The following SNX30 variants were observed in gnomAD, a reference collection of about 807,000 sequenced individuals.
The protein encoded by SNX30 is sorting nexin family member 30.
SNX30 carries 24 observed loss-of-function variants against 46.4 expected under a neutral mutation model. The ratio of observed to expected loss-of-function variants is 0.52; its 90% CI spans 0.37 to 0.73. The LOEUF is 0.73. Among genes scored for constraint, SNX30 ranks in the 30% least tolerant of loss-of-function variants. The probability of loss-of-function intolerance (pLI) is 0.00; values close to 1 mark genes in which losing one functional copy is unlikely to be tolerated. For missense variants in SNX30, 533 were observed against 555.7 expected, an observed-to-expected ratio of 0.96 and a Z score of 0.41; for synonymous variants, 189 against 211.5, an observed-to-expected ratio of 0.89 and a Z score of 0.92.
chr9:112,799,079 T>C (rs1200584586), intron 1 of SNX30, among the ~76,000 whole-genome samples: 2 of 28,742 alleles, frequency 7.0e-5, no homozygotes, highest in African/African-American at 2.0e-4. Flanking sequence ...TTCTGTAGGT[T>C]GCCTGTTCAC....
chr9:112,851,484 G>A (rs1232699029), intron 7 of SNX30, among the ~76,000 whole-genome samples: 1 of 152,150 alleles, frequency 6.6e-6, no homozygotes, highest in African/African-American at 2.4e-5. Context: ...CGAATTGGGG[G>A]AAAAAAGCCA....
chr9:112,841,732 C>T (rs1840862810), intron 6 of SNX30, among the ~76,000 whole-genome samples: 1 of 152,112 alleles, frequency 6.6e-6, no homozygotes, highest in Non-Finnish European at 1.5e-5. Context: ...CTAAAGACAC[C>T]AGGAGAATGA....
intron 7 of SNX30, among the ~76,000 whole-genome samples, chr9:112,858,257 A>C (rs976366381): frequency 6.6e-6 from 1 of 152,190 alleles, no homozygotes; most frequent in African/African-American, 2.4e-5. Context: ...CACACCTGTT[A>C]TTATCTCAGC....
intron 7 of SNX30, among the ~76,000 whole-genome samples, chr9:112,859,390 C>T (rs1472723991): frequency 6.6e-6 from 1 of 152,122 alleles, no homozygotes; most frequent in Non-Finnish European, 1.5e-5. Context: ...CATCTTTGGG[C>T]TACTGTGAAT....
intron 2 of SNX30, 139 bp from the exon 3 acceptor site, chr9:112,817,564 ACT>A (rs1323942111): frequency 1.6e-6 from 1 of 614,622 alleles, no homozygotes; most frequent in Non-Finnish European, 2.9e-6. Flanking sequence ...GTGTTGGTAA[ACT>A]CTGCCATTTG....
At chr9:112,883,197 C>T (rs559826096), downstream of SNX30, among the ~76,000 whole-genome samples, 1 of 152,072 alleles carries the variant, frequency 6.6e-6, no homozygotes, top group African/African-American at 2.4e-5. Context: ...TGAGACAGCA[C>T]GTGCAGACCT....
At chr9:112,756,434 CCTTTTTTT>C (rs1338462757) in intron 1 of SNX30, among the ~76,000 whole-genome samples, 1 of 134,254 alleles carries the variant, frequency 7.4e-6, no homozygotes, top group Non-Finnish European at 1.5e-5. Flanking sequence ...CTGTAATCAT[CCTTTTTTT>C]TTTTTTTTTT....
intron 1 of SNX30, among the ~76,000 whole-genome samples, chr9:112,789,981 A>G (rs1209503387): frequency 6.6e-6 from 1 of 152,220 alleles, no homozygotes; most frequent in African/African-American, 2.4e-5. Flanking sequence ...CCAAAGTAGA[A>G]ACACATAAAA....
At chr9:112,822,367 G>A (rs1487854522) in intron 3 of SNX30, among the ~76,000 whole-genome samples, 1 of 151,526 alleles carries the variant, frequency 6.6e-6, no homozygotes, top group African/African-American at 2.4e-5. Context: ...TTTTCCCTCT[G>A]TTTTTTTTAA....
downstream of SNX30, among the ~76,000 whole-genome samples, chr9:112,884,907 A>T (rs1023775611): frequency 3.9e-5 from 6 of 152,110 alleles, no homozygotes; most frequent in African/African-American, 1.4e-4. Context: ...GGCAAAAACT[A>T]CTCATCCTTT....
chr9:112,834,735 G>T (rs1840720234), intron 4 of SNX30, among the ~76,000 whole-genome samples: 1 of 152,104 alleles, frequency 6.6e-6, no homozygotes, highest in Non-Finnish European at 1.5e-5. Flanking sequence ...AGGACAGAGA[G>T]ATTCTGTTTC....
intron 2 of SNX30, among the ~76,000 whole-genome samples, chr9:112,807,525 A>G (rs961904123): frequency 1.3e-5 from 2 of 152,190 alleles, no homozygotes; most frequent in African/African-American, 4.8e-5. Flanking sequence ...CTAGATTAAT[A>G]TACATATTTC....
chr9:112,791,710 G>A (rs1367552349), intron 1 of SNX30, among the ~76,000 whole-genome samples: 1 of 151,972 alleles, frequency 6.6e-6, no homozygotes, highest in Non-Finnish European at 1.5e-5. Flanking sequence ...CACCTGGCCG[G>A]GAACTTTCTT....
At chr9:112,826,664 T>G (rs1295856137) in intron 3 of SNX30, among the ~76,000 whole-genome samples, 1 of 152,120 alleles carries the variant, frequency 6.6e-6, no homozygotes, top group Admixed American at 6.5e-5. Flanking sequence ...TGATGCCCAG[T>G]CAATGGGCTT....
chr9:112,853,459 A>G (rs1195206901), intron 7 of SNX30, among the ~76,000 whole-genome samples: 1 of 152,262 alleles, frequency 6.6e-6, no homozygotes, highest in African/African-American at 2.4e-5. Context: ...GCCATGTCTC[A>G]GTCTCATTTA....
At chr9:112,774,846 T>C (rs1192170363) in intron 1 of SNX30, among the ~76,000 whole-genome samples, 2 of 145,184 alleles carry the variant, frequency 1.4e-5, no homozygotes, top group East Asian at 2.0e-4. Flanking sequence ...TTTATATGCT[T>C]TTTTTTTTTT....
downstream of SNX30, chr9:112,879,886 C>T: frequency 6.9e-7 from 1 of 1,439,546 alleles, no homozygotes; most frequent in Non-Finnish European, 9.8e-7. Flanking sequence ...AAACTGCCCT[C>T]ACAGGGTTAA....
Position 112,870,715 on chromosome 9 carries a change from C to A in SNX30, c.*1872C>A, listed in dbSNP as rs1224425360. The A allele has an allele frequency of 6.6e-6, 1 of 152,228 alleles. No individual in the cohort carries two copies. The highest frequency in any genetic ancestry group is 2.4e-5 in the African/African-American group (1 of 41,446). The allele number at this position is 152,228 out of a possible 1,614,324, so 9.4% of individuals were successfully genotyped here. ...CGTGGGTATGGACGCCTGGGTCTGA[C>A]CTGACACTGTGCTGGGAGAATCAGG... On this transcript the variant is annotated 3_prime_UTR_variant, in exon 9 of 9. Coordinates refer to ENST00000374232, the MANE Select transcript of SNX30 (RefSeq NM_001012994.2).
Position 112,808,711 on chromosome 9 carries a change from C to T in SNX30, c.348+3744C>T, listed in dbSNP as rs536025608. Reference sequence around the variant, plus strand: ...TTGCTGACTTTCTATACTACTTCATCCAGTTTTACAAAAACGAGTATTTTG... The same window carrying T: ...TTGCTGACTTTCTATACTACTTCATTCAGTTTTACAAAAACGAGTATTTTG... On this transcript the variant is annotated intron_variant, in intron 2 of 8. Transcript: ENST00000374232. Among the ~76,000 whole-genome samples, 330 of 35,118 alleles carry T rather than the reference C, an allele frequency of 9.4e-3. 2 individuals are homozygous for T. Among genetic ancestry groups the T allele is most frequent in the Non-Finnish European group, 0.02 (261 of 12,886 alleles). The allele number at this position is 35,118 out of a possible 152,430, so 23.0% of individuals were successfully genotyped here.
Sources: gnomAD v4.1 joint callset for allele counts (sites outside exome capture counted in the v4.1 genomes callset) on GRCh38, gnomAD v4.1.1 for gene constraint, MANE v1.5 for transcripts, NCBI Gene and HGNC (gene_info 2026-07-23, HGNC 2026-07-21) for gene names.